Variants in RASGRF2 observed in about 807,000 individuals in gnomAD.
The protein encoded by RASGRF2 is ras-specific guanine nucleotide-releasing factor 2.
A neutral mutation model predicts 151.0 loss-of-function variants in RASGRF2; 76 were observed. The observed-to-expected ratio is 0.50, with a 90% confidence interval of 0.42 to 0.61. The LOEUF (loss-of-function observed/expected upper bound fraction) is 0.61, where lower values mean the gene tolerates loss of function less well. RASGRF2 is among the 20% of genes least tolerant of loss of function. The pLI, the probability that RASGRF2 is intolerant of heterozygous loss-of-function variation, is 0.00. For synonymous variants in RASGRF2, 504 were observed against 566.5 expected, an observed-to-expected ratio of 0.89 and a Z score of 1.57; for missense variants, 1,148 against 1,564.6, an observed-to-expected ratio of 0.73 and a Z score of 4.49.
At chr5:81,137,695 C>T (rs1753785559) in intron 17 of RASGRF2, among the ~76,000 whole-genome samples, 1 of 152,170 alleles carries the variant, frequency 6.6e-6, no homozygotes, top group South Asian at 2.1e-4. Context: ...AGAAGACGGC[C>T]ACCTACAAGC....
At chr5:80,972,772 A>G (rs1229096036) in intron 1 of RASGRF2, among the ~76,000 whole-genome samples, 1 of 152,182 alleles carries the variant, frequency 6.6e-6, no homozygotes, top group Non-Finnish European at 1.5e-5. Flanking sequence ...GAGCCACCGC[A>G]CCAGCCTGTT....
At position 81,106,686 on chromosome 5, in the gene RASGRF2, A is replaced by G. The variant is rs970890797; in HGVS notation, c.1756-2310A>G. On this transcript the variant is annotated intron_variant, in intron 12 of 26. Transcript: ENST00000265080. Reference sequence around the variant, plus strand: ...TCAGGTCCTGACAGAACTTTCCCATAGAGAGGTAGTGTGGCCTTTCTTGGG... The same window carrying G: ...TCAGGTCCTGACAGAACTTTCCCATGGAGAGGTAGTGTGGCCTTTCTTGGG... Among the ~76,000 whole-genome samples, 3 of 152,160 alleles carry G rather than the reference A, an allele frequency of 2.0e-5. No individual in the cohort carries two copies. In the East Asian group the frequency reaches 5.8e-4, roughly 29 times the overall value.
chr5:80,995,684 T>TCCCCCCC (rs34823229), intron 1 of RASGRF2, among the ~76,000 whole-genome samples: 25 of 69,458 alleles, frequency 3.6e-4, no homozygotes, highest in South Asian at 5.7e-4. Context: ...TTCCTTTCCT[T>TCCCCCCC]CCCCCCCCCT....
At chr5:81,003,588 C>G (rs1580191679) in intron 1 of RASGRF2, among the ~76,000 whole-genome samples, 1 of 152,268 alleles carries the variant, frequency 6.6e-6, no homozygotes, top group Non-Finnish European at 1.5e-5. Flanking sequence ...TCTTGAACTC[C>G]TGGCCTCAAG....
intron 18 of RASGRF2, among the ~76,000 whole-genome samples, chr5:81,195,199 G>A (rs1561254323): frequency 6.6e-6 from 1 of 151,710 alleles, no homozygotes; most frequent in Non-Finnish European, 1.5e-5. Context: ...CCAGGGGCCC[G>A]CGCCAGAGCC....
rs527522051 is a variant in RASGRF2 at position 81,033,706 on chromosome 5, C to A, written c.289-9171C>A. Reference sequence around the variant, plus strand: ...AAACCATAAAAACCCTAGAAGAAAACCTAGGCAGTACCATTCAGGACATAG... The same window carrying A: ...AAACCATAAAAACCCTAGAAGAAAAACTAGGCAGTACCATTCAGGACATAG... On this transcript the variant is annotated intron_variant, in intron 1 of 26. Transcript: ENST00000265080. Among the ~76,000 whole-genome samples the A allele has an allele frequency of 2.0e-5, 3 of 152,250 alleles. No individual in the cohort carries two copies. The South Asian group carries it at 6.2e-4, about 32-fold the overall frequency.
intron 11 of RASGRF2, 96 bp downstream of exon 11, chr5:81,094,458 T>C: frequency 8.1e-7 from 1 of 1,232,618 alleles, no homozygotes; most frequent in Non-Finnish European, 1.1e-6. Context: ...GTATGAAAAA[T>C]TGAACCATTT....
At chr5:81,224,206 C>T (rs1044252268) in intron 26 of RASGRF2, among the ~76,000 whole-genome samples, 4 of 152,102 alleles carry the variant, frequency 2.6e-5, no homozygotes, top group African/African-American at 9.7e-5. Context: ...TTTTTAAATG[C>T]TCAACTTCAC....
intron 17 of RASGRF2, among the ~76,000 whole-genome samples, chr5:81,170,942 G>A (rs550899539): frequency 1.3e-5 from 2 of 152,160 alleles, no homozygotes; most frequent in South Asian, 4.2e-4. Context: ...TGTGCTTCCT[G>A]GTTTCCGCCC....
At chr5:81,141,901 G>A (rs1446983327) in intron 17 of RASGRF2, among the ~76,000 whole-genome samples, 1 of 152,162 alleles carries the variant, frequency 6.6e-6, no homozygotes, top group East Asian at 1.9e-4. Context: ...TTTCTGTATT[G>A]AGAATTGGAT....
intron 18 of RASGRF2, among the ~76,000 whole-genome samples, chr5:81,188,646 T>A (rs1317943358): frequency 6.6e-6 from 1 of 152,242 alleles, no homozygotes; most frequent in Non-Finnish European, 1.5e-5. Flanking sequence ...TATCAGACAC[T>A]GTTTCAAGTT....
At chr5:81,120,182 T>C (rs555441745) in intron 15 of RASGRF2, among the ~76,000 whole-genome samples, 7 of 152,344 alleles carry the variant, frequency 4.6e-5, no homozygotes, top group Non-Finnish European at 8.8e-5. Flanking sequence ...TCCCTTTCTA[T>C]AGCTGTCCTC....
At chr5:81,017,108 A>G (rs1749664065) in intron 1 of RASGRF2, among the ~76,000 whole-genome samples, 1 of 152,226 alleles carries the variant, frequency 6.6e-6, no homozygotes, top group Non-Finnish European at 1.5e-5. Context: ...AAGGAGAGAA[A>G]GCTGAAATTA....
At position 81,200,935 on chromosome 5, in the gene RASGRF2, TGGG is replaced by T. The variant is rs199986207; in HGVS notation, c.2794-392_2794-390del. Among the ~76,000 whole-genome samples, 1,201 of 151,768 alleles carry T rather than the reference TGGG, an allele frequency of 7.9e-3. 10 individuals are homozygous for T. The highest frequency in any genetic ancestry group is 0.035 in the South Asian group (165 of 4,778). ...TAAGTCTAGGACAGTGTGAGTGTGT[TGGG>T]GGCGTGGTGTGTGTTGGGGGCGTGG... On this transcript the variant is annotated intron_variant, in intron 18 of 26. Transcript: ENST00000265080.
chr5:80,966,626 T>C (rs1747732722), intron 1 of RASGRF2, among the ~76,000 whole-genome samples: 1 of 152,186 alleles, frequency 6.6e-6, no homozygotes, highest in South Asian at 2.1e-4. Flanking sequence ...GAGTTAAAAA[T>C]GTAATTGTGT....
chr5:81,029,175 C>T (rs1331308082), intron 1 of RASGRF2, among the ~76,000 whole-genome samples: 3 of 152,136 alleles, frequency 2.0e-5, no homozygotes, highest in Non-Finnish European at 4.4e-5. Flanking sequence ...TGGAGCCCAC[C>T]GCAGCCCAAG....
rs1751834315 is a variant in RASGRF2 at position 81,073,260 on chromosome 5, A to G, written c.695A>G (p.Tyr232Cys). The G allele has an allele frequency of 6.2e-7, 1 of 1,613,796 alleles. No homozygotes were observed. Among genetic ancestry groups the G allele is most frequent in the African/African-American group, 1.3e-5 (1 of 74,918 alleles). ...RRKWKTIVQDYICSPHAESMR... is the reference protein window; with the variant it reads ...RRKWKTIVQDCICSPHAESMR... Reference sequence around the variant, plus strand: ...AAATGGAAGACCATCGTGCAGGATTACATTTGTTCTCCTCATGCTGAAAGT... The same window carrying G: ...AAATGGAAGACCATCGTGCAGGATTGCATTTGTTCTCCTCATGCTGAAAGT... The change falls in exon 5 of 27, where the codon TAC becomes TGC. Residue 232 changes from tyrosine to cysteine, a missense_variant. Tyr to Cys is a radical substitution (Grantham distance 194). Around this residue, in one of 5 missense-constraint regions of RASGRF2, gnomAD observed 176 missense variants for 309.6 expected, o/e 0.57. Coordinates refer to ENST00000265080, the MANE Select transcript of RASGRF2 (RefSeq NM_006909.3).
intron 1 of RASGRF2, among the ~76,000 whole-genome samples, chr5:80,969,400 T>C (rs1237588702): frequency 8.1e-5 from 12 of 147,428 alleles, no homozygotes; most frequent in South Asian, 6.6e-4. Context: ...TCCCAAAGTG[T>C]TGGGTTTACA....
Position 81,065,770 on chromosome 5 carries a change from T to C in RASGRF2, c.396-2262T>C, listed in dbSNP as rs568211641. Among the ~76,000 whole-genome samples, 70 of 152,290 alleles carry C rather than the reference T, an allele frequency of 4.6e-4. No individual in the cohort carries two copies. The Middle Eastern group carries it at 0.024, about 52-fold the overall frequency. ...ACTCTCATTTCCCCACCAAGCTAAT[T>C]CTGCTTGCTTAGTTTTTCTCTTCAT... is the stretch of plus-strand genomic sequence containing the variant. On this transcript the variant is annotated intron_variant, in intron 2 of 26. Coordinates refer to ENST00000265080, the MANE Select transcript of RASGRF2 (RefSeq NM_006909.3).
Sources: gnomAD v4.1 joint callset for allele counts (sites outside exome capture counted in the v4.1 genomes callset) on GRCh38, gnomAD v4.1.1 for gene constraint, gnomAD v4.1.1 regional missense constraint, MANE v1.5 for transcripts, NCBI Gene and HGNC (gene_info 2026-07-23, HGNC 2026-07-21) for gene names.